PPARGC1A: variants seen among roughly 807,000 people sequenced by gnomAD.
PPARGC1A encodes the protein PPARG coactivator 1 alpha, also known as peroxisome proliferator-activated receptor gamma coactivator 1-alpha.
In PPARGC1A, 25 loss-of-function variants were observed where a neutral mutation model predicts 88.7. That is an observed-to-expected ratio of 0.28 (90% CI 0.21 to 0.39). The LOEUF is 0.39. Ranked by LOEUF, PPARGC1A falls within the 10% of genes least tolerant of loss-of-function variation. PPARGC1A has a pLI of 1.00. For missense variants in PPARGC1A, 880 were observed against 968.7 expected, an observed-to-expected ratio of 0.91 and a Z score of 1.22; for synonymous variants, 363 against 355.6, an observed-to-expected ratio of 1.02 and a Z score of -0.24.
the PPARGC1A span, among the ~76,000 whole-genome samples, chr4:24,385,859 A>T: frequency 6.6e-6 from 1 of 152,288 alleles, no homozygotes; most frequent in Admixed American, 6.5e-5. Flanking sequence ...TCCAAACAAC[A>T]GAAAAAGAAG....
rs1361601425 is a variant in PPARGC1A, at chr4:23,793,028, G to A, written c.*2794C>T. On this transcript the variant is annotated 3_prime_UTR_variant, in exon 13 of 13. Coordinates refer to ENST00000264867, the MANE Select transcript of PPARGC1A (RefSeq NM_013261.5). Reference sequence around the variant, plus strand: ...AAAAGAAACCAAGTATTCCACTCATGTCAACAATCCAGGGCAAAAAGGAGA... The same window carrying A: ...AAAAGAAACCAAGTATTCCACTCATATCAACAATCCAGGGCAAAAAGGAGA... 1.3e-5 allele frequency: 2 copies of A among 152,450 alleles called. No homozygotes were observed. Among genetic ancestry groups the A allele is most frequent in the Non-Finnish European group, 2.9e-5 (2 of 67,994 alleles). The allele number at this position is 152,450 out of a possible 1,614,324, so 9.4% of individuals were successfully genotyped here.
the PPARGC1A span, among the ~76,000 whole-genome samples, chr4:24,209,725 C>G: frequency 6.6e-6 from 1 of 152,174 alleles, no homozygotes; most frequent in Non-Finnish European, 1.5e-5. Context: ...CCATTCATAT[C>G]TCTGCATCTT....
At chr4:24,248,374 C>T in the PPARGC1A span, among the ~76,000 whole-genome samples, 1 of 152,040 alleles carries the variant, frequency 6.6e-6, no homozygotes, top group East Asian at 1.9e-4. Context: ...ATCTGCCCAC[C>T]TCGGACTCCC....
the PPARGC1A span, among the ~76,000 whole-genome samples, chr4:24,328,204 C>T: frequency 0.49 from 71,897 of 148,044 alleles, 18,974 homozygotes; most frequent in Admixed American, 0.65. Context: ...CACACGGACG[C>T]GCATGAAACT....
the PPARGC1A span, among the ~76,000 whole-genome samples, chr4:24,375,726 G>A: frequency 6.6e-6 from 1 of 152,052 alleles, no homozygotes; most frequent in Non-Finnish European, 1.5e-5. Context: ...AGGGGGTCGC[G>A]ATAGACAAAA....
intron 2 of PPARGC1A, among the ~76,000 whole-genome samples, chr4:23,877,537 C>CAAAAAAAA (rs11354781): frequency 4.0e-5 from 2 of 49,870 alleles, no homozygotes; most frequent in African/African-American, 1.9e-4. Context: ...GACTCCATCT[C>CAAAAAAAA]AAAAAAAAAA....
chr4:24,001,417 G>C, the PPARGC1A span, among the ~76,000 whole-genome samples: 2 of 152,172 alleles, frequency 1.3e-5, no homozygotes, highest in African/African-American at 4.8e-5. Flanking sequence ...AAGAAACAGA[G>C]AGAGCAAACT....
chr4:23,842,149 T>C (rs61795672), intron 2 of PPARGC1A, among the ~76,000 whole-genome samples: 7,049 of 152,246 alleles, frequency 0.046, 216 homozygotes, highest in Non-Finnish European at 0.069. Context: ...GCATTTATTG[T>C]CAGCTAAAAT....
At chr4:24,105,463 G>A in the PPARGC1A span, among the ~76,000 whole-genome samples, 5 of 152,074 alleles carry the variant, frequency 3.3e-5, no homozygotes, top group Admixed American at 6.6e-5. Context: ...AAATAGCAGG[G>A]GCGAAAATCA....
At chr4:24,455,360 A>G in the PPARGC1A span, among the ~76,000 whole-genome samples, 1 of 152,228 alleles carries the variant, frequency 6.6e-6, no homozygotes, top group East Asian at 1.9e-4. Context: ...TTGCGCCTGC[A>G]GTCCTAGATA....
At chr4:24,019,909 A>G in the PPARGC1A span, among the ~76,000 whole-genome samples, 1 of 152,238 alleles carries the variant, frequency 6.6e-6, no homozygotes, top group Non-Finnish European at 1.5e-5. Flanking sequence ...TGTAAGGATC[A>G]TGCTCCATTT....
chr4:24,229,843 C>CAA, the PPARGC1A span, among the ~76,000 whole-genome samples: 8,909 of 130,668 alleles, frequency 0.068, 420 homozygotes, highest in African/African-American at 0.13. Flanking sequence ...AAAACTGTCT[C>CAA]AAAAAAAAAA....
chr4:24,012,118 GA>G, the PPARGC1A span, among the ~76,000 whole-genome samples: 2 of 152,076 alleles, frequency 1.3e-5, no homozygotes, highest in Non-Finnish European at 2.9e-5. Flanking sequence ...GGGGCGACTT[GA>G]AAAAATGTAG....
chr4:24,278,575 C>A, the PPARGC1A span, among the ~76,000 whole-genome samples: 36 of 152,240 alleles, frequency 2.4e-4, 1 homozygote, highest in African/African-American at 8.7e-4. Flanking sequence ...TTATATACTG[C>A]ACACAGGCTC....
the PPARGC1A span, among the ~76,000 whole-genome samples, chr4:24,051,942 A>G: frequency 1.3e-5 from 2 of 152,074 alleles, no homozygotes; most frequent in African/African-American, 4.8e-5. Flanking sequence ...GCACAAAAAA[A>G]AAAAAAAAAC....
chr4:24,273,065 T>C, the PPARGC1A span, among the ~76,000 whole-genome samples: 6 of 152,230 alleles, frequency 3.9e-5, no homozygotes, highest in African/African-American at 1.4e-4. Context: ...CGAACATTCA[T>C]TGGAAAGGGT....
chr4:23,822,021 A>G (rs57140917), intron 7 of PPARGC1A, among the ~76,000 whole-genome samples: 31,405 of 152,102 alleles, frequency 0.21, 4,310 homozygotes, highest in Admixed American at 0.32. Flanking sequence ...CATACTGGCA[A>G]TTTTATTTTT....
chr4:24,335,381 AG>A, the PPARGC1A span, among the ~76,000 whole-genome samples: 18 of 152,308 alleles, frequency 1.2e-4, no homozygotes, highest in East Asian at 3.5e-3. Context: ...GCCAGCCCAT[AG>A]GTGCTTGATG....
the PPARGC1A span, among the ~76,000 whole-genome samples, chr4:24,075,671 T>G: frequency 1.3e-5 from 2 of 151,986 alleles, no homozygotes; most frequent in Non-Finnish European, 2.9e-5. Flanking sequence ...TCTCATGAGA[T>G]CTGATGGTTT....
Sources: gnomAD v4.1 joint callset for allele counts (sites outside exome capture counted in the v4.1 genomes callset) on GRCh38, gnomAD v4.1.1 for gene constraint, MANE v1.5 for transcripts, NCBI Gene and HGNC (gene_info 2026-07-23, HGNC 2026-07-21) for gene names.